Variants in UBOX5 observed in about 807,000 individuals in gnomAD.
UBOX5 encodes the protein RING finger protein 37.
UBOX5 carries 28 observed loss-of-function variants against 39.0 expected under a neutral mutation model. The observed-to-expected ratio is 0.72, with a 90% CI of 0.53 to 0.98. The LOEUF is 0.98. UBOX5 is among the 50% of genes least tolerant of loss of function. The probability of loss-of-function intolerance (pLI) is 0.00; values close to 1 mark genes in which losing one functional copy is unlikely to be tolerated. For missense variants in UBOX5, 585 were observed against 674.4 expected, an observed-to-expected ratio of 0.87 and a Z score of 1.47; for synonymous variants, 283 against 275.5, an observed-to-expected ratio of 1.03 and a Z score of -0.27.
At chr20:3,146,528 C>T (rs917491109) in intron 1 of UBOX5, 11 of 436,476 alleles carry the variant, frequency 2.5e-5, no homozygotes, top group South Asian at 2.2e-4. Flanking sequence ...CTTACTTGAC[C>T]GTAGGACATA....
chr20:3,112,354 T>A (rs2066260077), intron 4 of UBOX5, among the ~76,000 whole-genome samples: 1 of 150,594 alleles, frequency 6.6e-6, no homozygotes, highest in South Asian at 2.1e-4. Context: ...GGGCCCCAAT[T>A]GCCCCCAGCA....
intron 1 of UBOX5, chr20:3,156,898 A>C (rs539819922): frequency 6.6e-5 from 10 of 152,322 alleles, no homozygotes; most frequent in African/African-American, 2.2e-4. Context: ...AAATTGCCAC[A>C]AATAAATGAA....
At chr20:3,128,685 G>A (rs542686920) in intron 1 of UBOX5, among the ~76,000 whole-genome samples, 8 of 152,034 alleles carry the variant, frequency 5.3e-5, no homozygotes, top group Non-Finnish European at 8.8e-5. Context: ...AACACAGCAA[G>A]ACCCCGTCTC....
chr20:3,146,679 T>A, intron 1 of UBOX5: 1 of 1,421,408 alleles, frequency 7.0e-7, no homozygotes, highest in Non-Finnish European at 9.6e-7. Flanking sequence ...CACACTATTT[T>A]ATCGCCAAAC....
chr20:3,149,070 T>A lies in UBOX5; in HGVS notation c.-42+10696A>T, dbSNP rs766313737. ...TTTAATGACTTGAGAGTAGCTGCCATTCTGGTGTCAGTATTGATCTCTTTG... is the reference window on the plus strand; with the variant it reads ...TTTAATGACTTGAGAGTAGCTGCCAATCTGGTGTCAGTATTGATCTCTTTG... On this transcript the variant is annotated intron_variant, in intron 1 of 4. Transcript: ENST00000217173. The surrounding 1 kb of genome is among the most constrained non-coding windows in gnomAD (Gnocchi z 4.1). 1 of 1,607,378 alleles carries A rather than the reference T, an allele frequency of 6.2e-7. No individual in the cohort carries two copies.
At chr20:3,142,099 C>T (rs1320682084) in intron 1 of UBOX5, among the ~76,000 whole-genome samples, 1 of 148,216 alleles carries the variant, frequency 6.7e-6, no homozygotes, top group Non-Finnish European at 1.5e-5. Flanking sequence ...GTCGAGGCTG[C>T]GGTGAGCCAT....
intron 1 of UBOX5, among the ~76,000 whole-genome samples, chr20:3,134,197 T>G (rs528344370): frequency 2.4e-4 from 37 of 152,300 alleles, no homozygotes; most frequent in African/African-American, 8.9e-4. Flanking sequence ...AACTTGCTTT[T>G]CCATTAAGCA....
intron 1 of UBOX5, among the ~76,000 whole-genome samples, chr20:3,134,524 C>T (rs1291700070): frequency 6.9e-6 from 1 of 144,744 alleles, no homozygotes; most frequent in Non-Finnish European, 1.5e-5. Flanking sequence ...CACCATTGCA[C>T]TCCAGCCTGG....
intron 3 of UBOX5, among the ~76,000 whole-genome samples, chr20:3,120,025 G>A (rs577124098): frequency 2.2e-4 from 33 of 151,990 alleles, no homozygotes; most frequent in African/African-American, 7.5e-4. Context: ...CCCCAGGGAA[G>A]AGGCAGGAAG....
chr20:3,156,658 G>C (rs916560940), intron 1 of UBOX5: 1 of 152,264 alleles, frequency 6.6e-6, no homozygotes, highest in African/African-American at 2.4e-5. Context: ...TGAATGATGT[G>C]ATTTCACAGG....
Position 3,130,781 on chromosome 20 carries a change from C to CT in UBOX5, c.-41-7376dup, listed in dbSNP as rs563038445. Among the ~76,000 whole-genome samples, 1,264 of 139,134 alleles carry CT rather than the reference C, an allele frequency of 9.1e-3. 17 individuals are homozygous for CT. The highest frequency in any genetic ancestry group is 0.029 in the African/African-American group (1,113 of 38,130). 91.3% of individuals were successfully genotyped at this position (139,134 alleles called of 152,430 possible). A position where few individuals can be genotyped will look rare whatever the true frequency, so the allele number is the denominator to read the frequency against. On this transcript the variant is annotated intron_variant, in intron 1 of 4. Coordinates refer to ENST00000217173, the MANE Select transcript of UBOX5 (RefSeq NM_014948.4). Reference sequence around the variant, plus strand: ...TTTAACACATTTTCAGTTGTTTTTGCTTTTTTTTTTTTTACAATCCTATTA... The same window carrying CT: ...TTTAACACATTTTCAGTTGTTTTTGCTTTTTTTTTTTTTTACAATCCTATTA...
In UBOX5 at chr20:3,121,392, C is replaced by G; in HGVS notation, c.1247G>C (p.Cys416Ser). ...ACAGGATGCTGAATTACCTGTCGAG[C>G]AGTCCATATGTGTCAGGCTGGGCTC... is the stretch of plus-strand genomic sequence containing the variant. The part of the protein sequence containing the change: ...TNEPSLTHMD[C>S]STGPLSHEQK... Residue 416 changes from cysteine (C) to serine (S), a missense_variant, in exon 3 of 5, where the codon TGC (cysteine) becomes TCC (serine). Physicochemically the swap from Cys to Ser is moderately radical, Grantham distance 112 (BLOSUM62 -1). Coordinates refer to ENST00000217173, the MANE Select transcript of UBOX5 (RefSeq NM_014948.4). 1 of 1,607,792 alleles carries G rather than the reference C, an allele frequency of 6.2e-7. No individual in the cohort carries two copies. Among genetic ancestry groups the G allele is most frequent in the Non-Finnish European group, 8.5e-7 (1 of 1,176,624 alleles).
intron 2 of UBOX5, 124 bp from the exon 3 acceptor site, chr20:3,122,708 G>C: frequency 1.5e-6 from 2 of 1,325,838 alleles, no homozygotes; most frequent in Admixed American, 5.8e-5. Context: ...AATTGTCCCA[G>C]ATCAGGGCAC....
chr20:3,148,978 C>T (rs1411623492), intron 1 of UBOX5: 6 of 1,614,196 alleles, frequency 3.7e-6, no homozygotes, highest in Non-Finnish European at 5.1e-6. Context: ...TGCTCACATT[C>T]CAGTATGACA....
In UBOX5 at chr20:3,150,080, G is replaced by A. The variant is rs1014211093; in HGVS notation, c.-42+9686C>T. Among the ~76,000 whole-genome samples, 8 of 151,618 alleles carry A rather than the reference G, an allele frequency of 5.3e-5. No homozygotes were observed. The South Asian group carries it at 8.3e-4, about 16-fold the overall frequency. ...CGATAACCCTCCCTGTTCTTATAGCGCAAAACTGTTAATTCCAAAATTCTG... is the reference window on the plus strand; with the variant it reads ...CGATAACCCTCCCTGTTCTTATAGCACAAAACTGTTAATTCCAAAATTCTG... On this transcript the variant is annotated intron_variant, in intron 1 of 4. Coordinates refer to ENST00000217173, the MANE Select transcript of UBOX5 (RefSeq NM_014948.4).
chr20:3,122,061 A>G lies in UBOX5; in HGVS notation c.578T>C (p.Val193Ala). Reference sequence around the variant, plus strand: ...GCAGGTCTTGGCCGGCTGACCCCACACTTCCAACCGCTTGATACAAGGGAT... The same window carrying G: ...GCAGGTCTTGGCCGGCTGACCCCACGCTTCCAACCGCTTGATACAAGGGAT... ...GGIPCIKRLE[V>A]WGQPAKTCSQ... is the part of the protein sequence containing the mutation. Residue 193 changes from valine to alanine, a missense_variant, in exon 3 of 5, where the codon GTG becomes GCG. Val to Ala is a moderately conservative substitution (Grantham distance 64, BLOSUM62 0). Coordinates refer to ENST00000217173, the MANE Select transcript of UBOX5 (RefSeq NM_014948.4). 2 of 1,614,204 alleles carry G rather than the reference A, an allele frequency of 1.2e-6. No homozygotes were observed. The highest frequency in any genetic ancestry group is 1.7e-6 in the Non-Finnish European group (2 of 1,180,032).
intron 1 of UBOX5, among the ~76,000 whole-genome samples, 159 bp from the exon 2 acceptor site, chr20:3,123,565 T>C (rs759115049): frequency 6.6e-6 from 1 of 152,104 alleles, no homozygotes; most frequent in Non-Finnish European, 1.5e-5. Context: ...ATACATGATG[T>C]TGGGGAAAAA....
In UBOX5 at chr20:3,126,938, A is replaced by C. The variant is rs1016363164; in HGVS notation, c.-41-3532T>G. ...GTAATCCCAGCTACTCGGGAGGCCAAGGCAGGAGAATCACTTGAACCCGGG... is the reference window on the plus strand; with the variant it reads ...GTAATCCCAGCTACTCGGGAGGCCACGGCAGGAGAATCACTTGAACCCGGG... On this transcript the variant is annotated intron_variant, in intron 1 of 4. Transcript: ENST00000217173. 2.0e-5 allele frequency among the ~76,000 whole-genome samples: 3 copies of C among 149,176 alleles called. No individual in the cohort carries two copies. The Admixed American group carries it at 2.0e-4, about 10-fold the overall frequency.
intron 1 of UBOX5, among the ~76,000 whole-genome samples, chr20:3,158,356 G>A (rs972852095): frequency 4.6e-5 from 7 of 152,162 alleles, no homozygotes; most frequent in African/African-American, 1.7e-4. Context: ...ACCAATGGAT[G>A]GGGAAGAAAA....
Sources: allele counts gnomAD v4.1 joint callset (sites outside exome capture counted in the v4.1 genomes callset), GRCh38; gene constraint gnomAD v4.1.1; non-coding constraint Gnocchi (gnomAD v3.1); transcripts MANE v1.5; gene names NCBI Gene and HGNC (gene_info 2026-07-23, HGNC 2026-07-21).